LRP1B: variants seen among roughly 807,000 people sequenced by gnomAD.
LRP1B encodes the protein low-density lipoprotein receptor-related protein 1B.
Under a neutral mutation model 556.6 loss-of-function variants are expected in LRP1B, and 217 were observed. The observed-to-expected ratio is 0.39, with a 90% CI of 0.35 to 0.44. The LOEUF is 0.44. LRP1B is among the 20% of genes least tolerant of loss of function. The pLI is 1.00. For missense variants in LRP1B, 5,053 were observed against 5,620.8 expected (o/e 0.90, Z 3.23); for synonymous variants, 2,047 against 1,865.8 (o/e 1.10, Z -2.50).
intron 4 of LRP1B, among the ~76,000 whole-genome samples, chr2:141,248,027 G>A (rs1684130193): frequency 6.6e-6 from 1 of 152,112 alleles, no homozygotes; most frequent in Admixed American, 6.5e-5. Flanking sequence ...GGCCAACATG[G>A]TGAGACCCTG....
intron 3 of LRP1B, 74 bp from the exon 4 acceptor site, chr2:141,254,715 T>A (rs1684394964): frequency 4.2e-6 from 5 of 1,183,800 alleles, no homozygotes; most frequent in Non-Finnish European, 3.6e-6. Context: ...CAGTGTACAA[T>A]CCTTACACTA....
intron 1 of LRP1B, among the ~76,000 whole-genome samples, chr2:142,117,000 CTTTT>C (rs903409211): frequency 4.6e-5 from 7 of 152,060 alleles, no homozygotes; most frequent in African/African-American, 1.7e-4. Flanking sequence ...CTTCTGCTCC[CTTTT>C]TTTCTTTTCT....
At chr2:141,281,536 G>T (rs1023949824) in intron 3 of LRP1B, among the ~76,000 whole-genome samples, 10 of 152,116 alleles carry the variant, frequency 6.6e-5, no homozygotes, top group African/African-American at 2.2e-4. Context: ...AATATTAAAA[G>T]ATGTTAATAT....
At chr2:142,066,246 A>C (rs1284516697) in intron 1 of LRP1B, among the ~76,000 whole-genome samples, 1 of 149,442 alleles carries the variant, frequency 6.7e-6, no homozygotes, top group Admixed American at 6.8e-5. Flanking sequence ...CATTAAAGTA[A>C]GCCAAGAATT....
At chr2:141,350,385 T>C (rs1342877417) in intron 3 of LRP1B, among the ~76,000 whole-genome samples, 1 of 151,994 alleles carries the variant, frequency 6.6e-6, no homozygotes, top group Non-Finnish European at 1.5e-5. Flanking sequence ...AGAAAGTAAC[T>C]AGGAACCAGA....
At chr2:140,608,040 A>T (rs1490055763) in intron 41 of LRP1B, among the ~76,000 whole-genome samples, 1 of 151,858 alleles carries the variant, frequency 6.6e-6, no homozygotes, top group Non-Finnish European at 1.5e-5. Context: ...AATTTTTTCC[A>T]CCAGTCTAAT....
intron 2 of LRP1B, among the ~76,000 whole-genome samples, chr2:141,769,899 A>G (rs967211226): frequency 1.2e-4 from 19 of 152,286 alleles, no homozygotes; most frequent in Middle Eastern, 3.4e-3. Flanking sequence ...TCTGAAGTTA[A>G]TGCTAAGAGA....
At chr2:141,077,845 A>C (rs1469272054) in intron 7 of LRP1B, among the ~76,000 whole-genome samples, 5 of 152,132 alleles carry the variant, frequency 3.3e-5, no homozygotes, top group Non-Finnish European at 7.3e-5. Flanking sequence ...TCCCTGATAG[A>C]ATTTTGACTA....
At chr2:140,544,815 T>G (rs1680267177) in intron 43 of LRP1B, among the ~76,000 whole-genome samples, 1 of 152,170 alleles carries the variant, frequency 6.6e-6, no homozygotes, top group African/African-American at 2.4e-5. Flanking sequence ...TAGAATGATT[T>G]ATATTCCTTT....
chr2:141,388,692 C>G (rs1689933968), intron 3 of LRP1B, among the ~76,000 whole-genome samples: 1 of 151,886 alleles, frequency 6.6e-6, no homozygotes, highest in Non-Finnish European at 1.5e-5. Flanking sequence ...TAAAAGCCCT[C>G]AAGTTTGGAA....
At chr2:140,954,486 A>G (rs990578552) in intron 18 of LRP1B, among the ~76,000 whole-genome samples, 11 of 152,064 alleles carry the variant, frequency 7.2e-5, no homozygotes, top group African/African-American at 2.7e-4. Context: ...AAGTTTTGCT[A>G]AGAAAAAAAT....
At chr2:141,911,606 A>G (rs759263201) in intron 1 of LRP1B, among the ~76,000 whole-genome samples, 4 of 152,198 alleles carry the variant, frequency 2.6e-5, no homozygotes, top group Non-Finnish European at 5.9e-5. Context: ...ACCATAGATA[A>G]TAAGTCCAGG....
At chr2:141,230,492 C>A (rs1407561879) in intron 5 of LRP1B, among the ~76,000 whole-genome samples, 1 of 152,174 alleles carries the variant, frequency 6.6e-6, no homozygotes, top group African/African-American at 2.4e-5. Flanking sequence ...CAGATAAGGT[C>A]AGTTCTTCAC....
chr2:140,920,576 T>A (rs139472136), intron 21 of LRP1B, among the ~76,000 whole-genome samples: 4 of 152,152 alleles, frequency 2.6e-5, no homozygotes, highest in African/African-American at 9.6e-5. Flanking sequence ...TGTAGATGAA[T>A]ACATATTTTA....
At chr2:140,423,134 A>C (rs1290239795) in intron 66 of LRP1B, among the ~76,000 whole-genome samples, 1 of 152,164 alleles carries the variant, frequency 6.6e-6, no homozygotes, top group African/African-American at 2.4e-5. Flanking sequence ...CTCTCACCTT[A>C]CACCAGTAGC....
At chr2:141,249,170 T>C (rs1321004319) in intron 4 of LRP1B, among the ~76,000 whole-genome samples, 3 of 152,112 alleles carry the variant, frequency 2.0e-5, no homozygotes, top group Non-Finnish European at 1.5e-5. Flanking sequence ...CTAGAGTATA[T>C]GGAAGTCAAT....
intron 7 of LRP1B, among the ~76,000 whole-genome samples, chr2:141,146,766 T>C (rs1701793911): frequency 6.6e-6 from 1 of 152,230 alleles, no homozygotes. Context: ...CAACTATAGA[T>C]GGCTGTTCTT....
chr2:142,088,715 C>T (rs542860323), intron 1 of LRP1B, among the ~76,000 whole-genome samples: 1 of 152,094 alleles, frequency 6.6e-6, no homozygotes, highest in South Asian at 2.1e-4. Flanking sequence ...GTGGCTCACA[C>T]CTGTAATCCC....
chr2:141,614,688 GA>G (rs1688232033), intron 2 of LRP1B, among the ~76,000 whole-genome samples: 1 of 151,898 alleles, frequency 6.6e-6, no homozygotes, highest in African/African-American at 2.4e-5. Context: ...GAATGCCAAA[GA>G]TTGTTTGCCT....
Sources: gnomAD v4.1 joint callset for allele counts (sites outside exome capture counted in the v4.1 genomes callset) on GRCh38, gnomAD v4.1.1 for gene constraint, MANE v1.5 for transcripts, NCBI Gene and HGNC (gene_info 2026-07-23, HGNC 2026-07-21) for gene names.